Variants in TMEM67 observed in about 807,000 individuals in gnomAD.
TMEM67 encodes the protein meckelin.
Under a neutral mutation model 136.6 loss-of-function variants are expected in TMEM67, and 124 were observed. That is an observed-to-expected ratio of 0.91 (90% CI 0.78 to 1.05). The LOEUF (loss-of-function observed/expected upper bound fraction) is 1.05, where lower values mean the gene tolerates loss of function less well. Ranked by LOEUF, TMEM67 falls within the 50% of genes least tolerant of loss-of-function variation. The pLI, the probability that TMEM67 is intolerant of heterozygous loss-of-function variation, is 0.00. For missense variants in TMEM67, 1,107 were observed against 1,178.4 expected (o/e 0.94, Z 0.89); for synonymous variants, 364 against 390.5 (o/e 0.93, Z 0.80).
chr8:93,826,939 CCTT>C, the TMEM67 span, among the ~76,000 whole-genome samples: 2 of 152,192 alleles, frequency 1.3e-5, no homozygotes, highest in African/African-American at 4.8e-5. Context: ...AAGCAATTCT[CCTT>C]CGTCAGCCTC....
At chr8:93,768,579 C>T (rs1813186586) in intron 6 of TMEM67, among the ~76,000 whole-genome samples, 1 of 152,046 alleles carries the variant, frequency 6.6e-6, no homozygotes, top group Non-Finnish European at 1.5e-5. Context: ...CACTGCACTC[C>T]AGCCTGGGCA....
At chr8:93,803,739 T>A in intron 22 of TMEM67, 55 bp downstream of exon 22, 1 of 1,095,328 alleles carries the variant, frequency 9.1e-7, no homozygotes, top group Non-Finnish European at 1.4e-6. Context: ...TTAAAGGTCA[T>A]GAGTTTGTTA....
At chr8:93,768,526 C>T (rs199606741) in intron 6 of TMEM67, among the ~76,000 whole-genome samples, 1 of 152,120 alleles carries the variant, frequency 6.6e-6, no homozygotes, top group East Asian at 1.9e-4. Context: ...GGGAGAATCA[C>T]TCGAACCTGG....
At chr8:93,759,883 A>AG in intron 3 of TMEM67, 1 of 1,058,512 alleles carries the variant, frequency 9.4e-7, no homozygotes, top group Non-Finnish European at 1.4e-6. Flanking sequence ...TTCCGACCTC[A>AG]GGTGATCTGC....
At chr8:93,813,670 AG>A (rs1808788461) in intron 26 of TMEM67, among the ~76,000 whole-genome samples, 1 of 152,202 alleles carries the variant, frequency 6.6e-6, no homozygotes, top group African/African-American at 2.4e-5. Flanking sequence ...AGGGAGGATC[AG>A]GTTTTGAGGG....
chr8:93,808,860 A>G lies in TMEM67; in HGVS notation c.2460A>G (p.Arg820=). 1.2e-6 allele frequency: 2 copies of G among 1,610,210 alleles called. No individual in the cohort carries two copies. Among genetic ancestry groups the G allele is most frequent in the East Asian group, 2.2e-5 (1 of 44,738 alleles). Residue 820 remains arginine, a synonymous_variant, in exon 24 of 28, where the codon AGA becomes AGG. Transcript: ENST00000453321. Reference sequence around the variant, plus strand: ...TTCAGGAAAATTTGTGTAGCCAGAGAGGTTTGGTACCCAACACAGATGGTC... The same window carrying G: ...TTCAGGAAAATTTGTGTAGCCAGAGGGGTTTGGTACCCAACACAGATGGTC... The part of the protein sequence containing the change: ...KREAENLCSQ[R]GLVPNTDGQT...
intron 14 of TMEM67, 32 bp downstream of exon 14, chr8:93,787,981 G>T (rs1416289618): frequency 6.8e-7 from 1 of 1,467,356 alleles, no homozygotes; most frequent in Non-Finnish European, 9.6e-7. Context: ...GCCCTTGTAT[G>T]TATAAATAGA....
the TMEM67 span, among the ~76,000 whole-genome samples, chr8:93,830,553 T>A: frequency 6.6e-6 from 1 of 152,204 alleles, no homozygotes; most frequent in African/African-American, 2.4e-5. Context: ...CAGAATTGAA[T>A]TGGGGTACCA....
intron 1 of TMEM67, among the ~76,000 whole-genome samples, 186 bp from the exon 2 acceptor site, chr8:93,755,592 A>G (rs1586331090): frequency 1.3e-5 from 2 of 152,188 alleles, no homozygotes; most frequent in East Asian, 3.9e-4. Context: ...TAGGATTACT[A>G]CGATTGGAAC....
intron 6 of TMEM67, among the ~76,000 whole-genome samples, chr8:93,766,230 T>G (rs1813076459): frequency 6.6e-6 from 1 of 152,214 alleles, no homozygotes; most frequent in South Asian, 2.1e-4. Flanking sequence ...TTCAAGCGAT[T>G]CTCCTGCCTC....
the TMEM67 span, among the ~76,000 whole-genome samples, chr8:93,830,941 T>G: frequency 6.6e-6 from 1 of 152,290 alleles, no homozygotes; most frequent in Admixed American, 6.5e-5. Flanking sequence ...ACTTTGATTT[T>G]AGAAGTGATA....
chr8:93,771,250 T>C (rs1325224987), intron 6 of TMEM67, among the ~76,000 whole-genome samples: 1 of 132,704 alleles, frequency 7.5e-6, no homozygotes, highest in Non-Finnish European at 1.7e-5. Flanking sequence ...TTCTCTGTGC[T>C]TTTTTTTTTT....
intron 23 of TMEM67, among the ~76,000 whole-genome samples, chr8:93,808,599 G>A (rs187482220): frequency 6.7e-5 from 2 of 30,072 alleles, no homozygotes; most frequent in Non-Finnish European, 9.0e-5. Flanking sequence ...TTTAAGTAGA[G>A]CAAAGGAGAT....
At chr8:93,823,512 C>T (rs150153770), downstream of TMEM67, among the ~76,000 whole-genome samples, 1,729 of 151,614 alleles carry the variant, frequency 0.011, 77 homozygotes, top group Admixed American at 0.084. Flanking sequence ...GCATACTTAA[C>T]GATAGTTTGG....
downstream of TMEM67, among the ~76,000 whole-genome samples, chr8:93,820,319 G>C (rs59413349): frequency 0.018 from 2,780 of 152,246 alleles, 85 homozygotes; most frequent in African/African-American, 0.061. Flanking sequence ...TGGGGGCTTT[G>C]GAGGGCAATG....
chr8:93,811,540 T>A lies in TMEM67; in HGVS notation c.2764+1653T>A, dbSNP rs886258290. 8.6e-5 allele frequency among the ~76,000 whole-genome samples: 13 copies of A among 151,972 alleles called. No individual in the cohort carries two copies. In the East Asian group the frequency reaches 1.4e-3, roughly 16 times the overall value. ...GTAAACCTGTTGTTTCCAAAAAAAA[T>A]TTTTTTTTATTTTTTTGCCCCACAA... On this transcript the variant is annotated intron_variant, in intron 26 of 27. Coordinates refer to ENST00000453321, the MANE Select transcript of TMEM67 (RefSeq NM_153704.6).
chr8:93,799,850 T>A, intron 21 of TMEM67, 92 bp downstream of exon 21: 1 of 1,037,810 alleles, frequency 9.6e-7, no homozygotes, highest in Non-Finnish European at 1.5e-6. Context: ...ATTGACCACA[T>A]CCTTCTTTCT....
At chr8:93,801,961 G>T (rs529217816) in intron 21 of TMEM67, among the ~76,000 whole-genome samples, 1 of 152,124 alleles carries the variant, frequency 6.6e-6, no homozygotes, top group African/African-American at 2.4e-5. Context: ...ACAATATACC[G>T]ATATATTTTG....
intron 27 of TMEM67, 150 bp from the exon 28 acceptor site, chr8:93,816,222 A>G: frequency 2.2e-6 from 1 of 446,570 alleles, no homozygotes; most frequent in Admixed American, 3.9e-5. Context: ...TATCATCTTG[A>G]AATAATTTTA....
Sources: gnomAD v4.1 joint callset for allele counts (sites outside exome capture counted in the v4.1 genomes callset) on GRCh38, gnomAD v4.1.1 for gene constraint, MANE v1.5 for transcripts, NCBI Gene and HGNC (gene_info 2026-07-23, HGNC 2026-07-21) for gene names.